Variants in MEGF10 observed in about 807,000 individuals in gnomAD.
MEGF10 encodes multiple epidermal growth factor-like domains protein 10.
A neutral mutation model predicts 147.5 loss-of-function variants in MEGF10; 86 were observed. The ratio of observed to expected loss-of-function variants is 0.58; its 90% CI spans 0.49 to 0.70. The LOEUF (loss-of-function observed/expected upper bound fraction) is 0.70, where lower values mean the gene tolerates loss of function less well. MEGF10 is among the 30% of genes least tolerant of loss of function. The pLI, the probability that MEGF10 is intolerant of heterozygous loss-of-function variation, is 0.00. For synonymous variants in MEGF10, 478 were observed against 525.5 expected (o/e 0.91, Z 1.24); for missense variants, 1,329 against 1,487.3 (o/e 0.89, Z 1.75).
intron 5 of MEGF10, among the ~76,000 whole-genome samples, chr5:127,394,751 C>A (rs181196988): frequency 2.6e-5 from 4 of 152,282 alleles, no homozygotes; most frequent in Admixed American, 1.3e-4. Flanking sequence ...GAAACTACCA[C>A]CTAATCTTAT....
At chr5:127,428,352 G>C (rs569201956) in intron 13 of MEGF10, among the ~76,000 whole-genome samples, 2 of 152,122 alleles carry the variant, frequency 1.3e-5, no homozygotes, top group African/African-American at 4.8e-5. Flanking sequence ...CATAATGCTT[G>C]GGTGCTGGGA....
chr5:127,321,279 T>C (rs1190654057), intron 1 of MEGF10, among the ~76,000 whole-genome samples: 1 of 152,162 alleles, frequency 6.6e-6, no homozygotes, highest in African/African-American at 2.4e-5. Flanking sequence ...TAACATTCTG[T>C]TCTACTATTT....
chr5:127,235,136 G>A, the MEGF10 span, among the ~76,000 whole-genome samples: 323 of 152,250 alleles, frequency 2.1e-3, 1 homozygote, highest in Non-Finnish European at 3.0e-3. Flanking sequence ...GTGAGCCACC[G>A]TGCCTGGCCT....
chr5:127,336,997 A>G (rs1198458680), intron 2 of MEGF10, among the ~76,000 whole-genome samples: 1 of 152,162 alleles, frequency 6.6e-6, no homozygotes, highest in Non-Finnish European at 1.5e-5. Flanking sequence ...AGCTGGATAG[A>G]AAGTGTCAAC....
chr5:127,326,517 G>A (rs943616494), intron 1 of MEGF10, among the ~76,000 whole-genome samples: 6 of 152,152 alleles, frequency 3.9e-5, no homozygotes, highest in Non-Finnish European at 7.4e-5. Context: ...ATCTGAGATT[G>A]TTCTCAGGGC....
intron 1 of MEGF10, 71 bp downstream of exon 1, chr5:127,291,127 C>CG (rs1759234749): frequency 6.6e-6 from 1 of 152,122 alleles, no homozygotes; most frequent in African/African-American, 2.4e-5. Flanking sequence ...TTCTCATGGG[C>CG]GGGGGTCACA....
At chr5:127,297,756 C>T (rs1580675925) in intron 1 of MEGF10, among the ~76,000 whole-genome samples, 4 of 152,258 alleles carry the variant, frequency 2.6e-5, no homozygotes, top group South Asian at 4.1e-4. Flanking sequence ...TAAAGGAACC[C>T]TTCACATTAC....
Position 127,420,127 on chromosome 5 carries a change from G to C in MEGF10, c.1510G>C (p.Gly504Arg), listed in dbSNP as rs761138933. 6.2e-7 allele frequency: 1 copy of C among 1,614,078 alleles called. No individual in the cohort carries two copies. The highest frequency in any genetic ancestry group is 1.3e-5 in the African/African-American group (1 of 74,928). The change falls in exon 12 of 25, where the codon GGG becomes CGG. Residue 504 changes from glycine (G) to arginine (R), a missense_variant. By Grantham distance (125) the Gly-to-Arg change is moderately radical. Around this residue, in one of 3 missense-constraint regions of MEGF10, gnomAD observed 980 missense variants for 1,085.9 expected, o/e 0.90. Coordinates refer to ENST00000503335, the MANE Select transcript of MEGF10 (RefSeq NM_001256545.2). ...TAACTTAACATGCCAGTGCCTCAAC[G>C]GGGGAGCCTGCAACACCCTGGACGG... is the stretch of plus-strand genomic sequence containing the variant. ...GCNLTCQCLN[G>R]GACNTLDGTC...
intron 4 of MEGF10, among the ~76,000 whole-genome samples, chr5:127,360,121 T>C (rs187147647): frequency 9.2e-5 from 14 of 152,242 alleles, no homozygotes; most frequent in Admixed American, 7.8e-4. Flanking sequence ...GTTCTATAAA[T>C]GTCAAATAGA....
intron 9 of MEGF10, among the ~76,000 whole-genome samples, chr5:127,416,018 T>TTTTTG (rs1455156674): frequency 5.4e-5 from 8 of 147,362 alleles, no homozygotes; most frequent in Non-Finnish European, 1.2e-4. Flanking sequence ...TCAGTTTTTG[T>TTTTTG]TTTTGTTTTT....
At chr5:127,249,475 A>C in the MEGF10 span, among the ~76,000 whole-genome samples, 1 of 152,004 alleles carries the variant, frequency 6.6e-6, no homozygotes, top group Middle Eastern at 3.2e-3. Context: ...AGGACAAATA[A>C]AAGAAACAAA....
At chr5:127,450,132 C>T (rs1302211568) in intron 22 of MEGF10, among the ~76,000 whole-genome samples, 1 of 152,202 alleles carries the variant, frequency 6.6e-6, no homozygotes, top group Non-Finnish European at 1.5e-5. Context: ...GTTTTGATCT[C>T]ATACTTTATG....
At chr5:127,377,366 A>C (rs1763071701) in intron 5 of MEGF10, among the ~76,000 whole-genome samples, 1 of 152,214 alleles carries the variant, frequency 6.6e-6, no homozygotes, top group African/African-American at 2.4e-5. Context: ...CAGCCAGCAT[A>C]TGGTTTTCAA....
At chr5:127,334,604 T>A (rs2126789946) in intron 2 of MEGF10, among the ~76,000 whole-genome samples, 1 of 152,300 alleles carries the variant, frequency 6.6e-6, no homozygotes, top group African/African-American at 2.4e-5. Flanking sequence ...TGAAATCATT[T>A]AAAATACTCA....
chr5:127,431,640 G>A (rs527931165), intron 13 of MEGF10, among the ~76,000 whole-genome samples: 50 of 152,212 alleles, frequency 3.3e-4, no homozygotes, highest in Non-Finnish European at 6.3e-4. Context: ...GATTGTCTAA[G>A]TCTCTGTGAT....
At chr5:127,297,988 T>C (rs1384910004) in intron 1 of MEGF10, among the ~76,000 whole-genome samples, 1 of 152,172 alleles carries the variant, frequency 6.6e-6, no homozygotes, top group Admixed American at 6.5e-5. Flanking sequence ...CCTTAAGAAG[T>C]TTAAAATGAT....
At chr5:127,350,839 G>C (rs942565003) in intron 4 of MEGF10, among the ~76,000 whole-genome samples, 1 of 152,104 alleles carries the variant, frequency 6.6e-6, no homozygotes, top group Non-Finnish European at 1.5e-5. Context: ...TATATTTATG[G>C]AGTGTATGGG....
At chr5:127,451,365 G>A (rs576371554) in intron 22 of MEGF10, among the ~76,000 whole-genome samples, 8 of 152,188 alleles carry the variant, frequency 5.3e-5, no homozygotes, top group East Asian at 1.9e-4. Context: ...TAGTGTAGTC[G>A]TTATCACGCT....
intron 5 of MEGF10, among the ~76,000 whole-genome samples, chr5:127,389,855 G>C (rs184602089): frequency 9.1e-4 from 139 of 152,244 alleles, no homozygotes; most frequent in African/African-American, 3.2e-3. Flanking sequence ...GAAATAATCT[G>C]TATGACAAAC....
Sources: allele counts gnomAD v4.1 joint callset (sites outside exome capture counted in the v4.1 genomes callset), GRCh38; gene constraint gnomAD v4.1.1; regional missense constraint gnomAD v4.1.1; transcripts MANE v1.5; gene names NCBI Gene and HGNC (gene_info 2026-07-23, HGNC 2026-07-21).